E2F7: variants seen among roughly 807,000 people sequenced by gnomAD.
E2F7 encodes transcription factor E2F7.
Under a neutral mutation model 81.1 loss-of-function variants are expected in E2F7, and 35 were observed. That is an observed-to-expected ratio of 0.43 (90% CI 0.33 to 0.57). The LOEUF (loss-of-function observed/expected upper bound fraction) is 0.57, where lower values mean the gene tolerates loss of function less well. Ranked by LOEUF, E2F7 falls within the 20% of genes least tolerant of loss-of-function variation. The pLI is 0.04. For missense variants in E2F7, 961 were observed against 1,093.7 expected, an observed-to-expected ratio of 0.88 and a Z score of 1.71; for synonymous variants, 416 against 416.2, an observed-to-expected ratio of 1.00 and a Z score of 0.01.
intron 4 of E2F7, 146 bp downstream of exon 4, chr12:77,050,430 T>C: frequency 1.3e-6 from 1 of 753,474 alleles, no homozygotes; most frequent in South Asian, 2.8e-5. Flanking sequence ...GAAAACAAAT[T>C]TGACGATGAC....
Position 77,030,188 on chromosome 12 carries a change from C to G in E2F7, c.1527G>C (p.Leu509=). ...GACCGTTCTGCATGGAGAATGCCTG[C>G]AGGTCCGTCTGAGCAACAGAAAATA... The part of the protein sequence containing the change: ...HPVFSVAQTD[L]QAFSMQNGLN... The change falls in exon 10 of 13, where the codon CTG becomes CTC. Residue 509 remains leucine, a synonymous_variant. Coordinates refer to ENST00000322886, the MANE Select transcript of E2F7 (RefSeq NM_203394.3). 2 of 1,614,148 alleles carry G rather than the reference C, an allele frequency of 1.2e-6. No homozygotes were observed. Among genetic ancestry groups the G allele is most frequent in the South Asian group, 1.1e-5 (1 of 91,076 alleles).
intron 3 of E2F7, among the ~76,000 whole-genome samples, chr12:77,054,669 A>G (rs1955017714): frequency 6.6e-6 from 1 of 152,178 alleles, no homozygotes; most frequent in Admixed American, 6.5e-5. Context: ...GGCGTGTTAA[A>G]CAACTAGTTC....
intron 2 of E2F7, among the ~76,000 whole-genome samples, chr12:77,056,675 A>C (rs954148617): frequency 1.3e-5 from 2 of 152,120 alleles, no homozygotes; most frequent in Admixed American, 6.5e-5. Flanking sequence ...CCCATGGTAA[A>C]GGACTCGTTT....
intron 11 of E2F7, among the ~76,000 whole-genome samples, chr12:77,026,716 T>C (rs898455337): frequency 1.4e-4 from 21 of 152,228 alleles, no homozygotes; most frequent in African/African-American, 3.9e-4. Context: ...AGTACAGATA[T>C]GTGCATATTA....
chr12:77,030,283 C>G lies in E2F7; in HGVS notation c.1432G>C (p.Asp478His). 6.3e-7 allele frequency: 1 copy of G among 1,589,018 alleles called. No homozygotes were observed. ...AGGACAGGGAAAGGAGCAACAGGGT[C>G]CAAGCTGCTTGATGGAGGCACCACT... Reference protein sequence around the residue: ...KRVVPPSSSLDPVAPFPVLSV... With the variant: ...KRVVPPSSSLHPVAPFPVLSV... Residue 478 changes from aspartate (D) to histidine (H), a missense_variant, in exon 10 of 13, where the codon GAC becomes CAC. Physicochemically the swap from Asp to His is moderately conservative, Grantham distance 81. Coordinates refer to ENST00000322886, the MANE Select transcript of E2F7 (RefSeq NM_203394.3).
chr12:77,041,202 C>T (rs310787), intron 7 of E2F7, among the ~76,000 whole-genome samples: 25,297 of 152,102 alleles, frequency 0.17, 2,200 homozygotes, highest in Middle Eastern at 0.21. Flanking sequence ...TTACTTTCTT[C>T]TTTTTTGAGA....
chr12:77,062,195 G>A (rs1303310978), intron 2 of E2F7, among the ~76,000 whole-genome samples: 1 of 152,148 alleles, frequency 6.6e-6, no homozygotes, highest in Non-Finnish European at 1.5e-5. Context: ...TCAATGTGGG[G>A]AGTATTATAT....
At position 77,046,125 on chromosome 12, in the gene E2F7, A is replaced by C; in HGVS notation, c.742T>G (p.Tyr248Asp). The change falls in exon 5 of 13, where the codon TAT becomes GAT. Residue 248 changes from tyrosine (Y) to aspartate (D), a missense_variant. Coordinates refer to ENST00000322886, the MANE Select transcript of E2F7 (RefSeq NM_203394.3). ...TCTTTTTTACGTTCTCCAAATTTAT[A>C]ATCTATCAGGTCCAGCTCTTTCTGT... ...LQQKELDLID[Y>D]KFGERKKDGD... 1 of 1,614,182 alleles carries C rather than the reference A, an allele frequency of 6.2e-7. No individual in the cohort carries two copies.
intron 12 of E2F7, 92 bp from the exon 13 acceptor site, chr12:77,024,277 G>T (rs370844981): frequency 2.2e-6 from 3 of 1,390,590 alleles, no homozygotes; most frequent in African/African-American, 1.5e-5. Context: ...TGTGTGTTAG[G>T]ATCCCAAGGC....
chr12:77,031,817 TG>T (rs1162572358), intron 9 of E2F7, among the ~76,000 whole-genome samples: 2 of 152,174 alleles, frequency 1.3e-5, no homozygotes, highest in East Asian at 3.9e-4. Flanking sequence ...TGCAGTACCC[TG>T]GGCCGCAGAG....
chr12:77,048,227 C>T (rs535121665), intron 4 of E2F7, among the ~76,000 whole-genome samples: 52 of 152,302 alleles, frequency 3.4e-4, no homozygotes, highest in African/African-American at 1.3e-3. Flanking sequence ...AGTTCCACTT[C>T]ACAGGTCTCA....
chr12:77,057,956 G>A (rs760089165), intron 2 of E2F7, among the ~76,000 whole-genome samples: 56 of 152,150 alleles, frequency 3.7e-4, no homozygotes, highest in Admixed American at 2.4e-3. Flanking sequence ...AATGAGCAAC[G>A]TGTGAAGAGG....
intron 3 of E2F7, among the ~76,000 whole-genome samples, chr12:77,052,926 T>C (rs1955001486): frequency 6.6e-6 from 1 of 152,054 alleles, no homozygotes; most frequent in Non-Finnish European, 1.5e-5. Context: ...CTTAATCTCA[T>C]GAGTAATCAA....
At chr12:77,044,586 G>A (rs976958757) in intron 6 of E2F7, 51 bp downstream of exon 6, 13 of 1,583,126 alleles carry the variant, frequency 8.2e-6, no homozygotes, top group Non-Finnish European at 1.1e-5. Flanking sequence ...ATCAACACAT[G>A]AAATCCCACC....
chr12:77,033,833 C>T (rs199947458), intron 8 of E2F7, 24 bp downstream of exon 8: 2 of 1,563,674 alleles, frequency 1.3e-6, no homozygotes, highest in East Asian at 4.6e-5. Context: ...TGATGGACTC[C>T]ATAGATTATG....
At chr12:77,052,923 T>G (rs1022075000) in intron 3 of E2F7, among the ~76,000 whole-genome samples, 20 of 152,196 alleles carry the variant, frequency 1.3e-4, no homozygotes, top group African/African-American at 4.3e-4. Flanking sequence ...AAGCTTAATC[T>G]CATGAGTAAT....
At chr12:77,059,782 C>T (rs1955063473) in intron 2 of E2F7, among the ~76,000 whole-genome samples, 1 of 152,042 alleles carries the variant, frequency 6.6e-6, no homozygotes, top group African/African-American at 2.4e-5. Context: ...CACGGTGAAA[C>T]TTTGTCTCTA....
intron 5 of E2F7, chr12:77,045,637 A>T (rs1954933891): frequency 6.2e-6 from 1 of 162,254 alleles, no homozygotes; most frequent in Admixed American, 6.1e-5. Context: ...TCTTATCAAC[A>T]TTTTCTGTGA....
Position 77,054,564 on chromosome 12 carries a change from T to C in E2F7, c.369+1291A>G, listed in dbSNP as rs370779162. On this transcript the variant is annotated intron_variant, in intron 3 of 12. Coordinates refer to ENST00000322886, the MANE Select transcript of E2F7 (RefSeq NM_203394.3). ...TTTAAATCCACCGAAATTTTAGGCA[T>C]TTACTTCCTACAGGTGGTGAACCTT... is the stretch of plus-strand genomic sequence containing the variant. 2.6e-5 allele frequency among the ~76,000 whole-genome samples: 4 copies of C among 152,280 alleles called. No individual in the cohort carries two copies. The East Asian group carries it at 5.8e-4, about 22-fold the overall frequency.
Sources: allele counts gnomAD v4.1 joint callset (sites outside exome capture counted in the v4.1 genomes callset), GRCh38; gene constraint gnomAD v4.1.1; transcripts MANE v1.5; gene names NCBI Gene and HGNC (gene_info 2026-07-23, HGNC 2026-07-21).